ARHGAP20: variants seen among roughly 807,000 people sequenced by gnomAD.
ARHGAP20 encodes the protein Rho GTPase activating protein 20.
ARHGAP20 carries 34 observed loss-of-function variants against 73.7 expected under a neutral mutation model. The observed-to-expected ratio is 0.46, with a 90% confidence interval of 0.35 to 0.61. The LOEUF (loss-of-function observed/expected upper bound fraction) is 0.61. ARHGAP20 is among the 20% of genes least tolerant of loss of function. ARHGAP20 has a pLI of 0.00. For synonymous variants in ARHGAP20, 523 were observed against 518.2 expected (o/e 1.01, Z -0.13); for missense variants, 1,314 against 1,420.9 (o/e 0.92, Z 1.21).
At chr11:110,691,000 C>T (rs1036137124) in intron 1 of ARHGAP20, 20 of 1,526,256 alleles carry the variant, frequency 1.3e-5, no homozygotes, top group South Asian at 2.4e-5. Flanking sequence ...AAATGTCATC[C>T]GGGTAGATAC....
intron 9 of ARHGAP20, among the ~76,000 whole-genome samples, chr11:110,597,394 T>C (rs184847455): frequency 1.3e-5 from 2 of 152,206 alleles, no homozygotes; most frequent in East Asian, 1.9e-4. Context: ...ATGTGTTTAA[T>C]ATATATGTGA....
rs536635586 is a variant in ARHGAP20, at chr11:110,712,013, C to T, written c.105+114G>A. On this transcript the variant is annotated intron_variant, in intron 1 of 14. Coordinates refer to ENST00000683387, the MANE Select transcript of ARHGAP20 (RefSeq NM_001384657.1). ...CTCATTAGGGGCCGCGAGCCTCGAG[C>T]GTCAAATTCCCGCGGCGTCCGCCTA... The T allele has an allele frequency of 8.5e-5, 106 of 1,240,738 alleles. 1 individual carries two copies. In the African/African-American group the frequency reaches 1.4e-3, roughly 16 times the overall value. 76.9% of individuals were successfully genotyped at this position (1,240,738 alleles called of 1,614,324 possible).
chr11:110,647,886 C>G (rs1041818146), intron 2 of ARHGAP20, among the ~76,000 whole-genome samples: 1 of 151,730 alleles, frequency 6.6e-6, no homozygotes, highest in Non-Finnish European at 1.5e-5. Flanking sequence ...AAGGATCTCC[C>G]GTCTGAGAAT....
rs1947384284 is a variant in ARHGAP20 at position 110,579,645 on chromosome 11, G to A, written c.3301C>T (p.Leu1101=). 1 of 1,614,126 alleles carries A rather than the reference G, an allele frequency of 6.2e-7. No individual in the cohort carries two copies. The highest frequency in any genetic ancestry group is 8.5e-7 in the Non-Finnish European group (1 of 1,180,050). ...KDLPLRAAEG[L]SPVQSAQRCS... ...CTTTGGGCTGACTGCACAGGGGACA[G>A]TCCTTCAGCTGCCCTTAAGGGCAAG... The change falls in exon 15 of 15, where the codon CTG becomes TTG. Residue 1101 remains leucine (L), a synonymous_variant. Transcript: ENST00000683387.
chr11:110,621,862 G>A lies in ARHGAP20; in HGVS notation c.503+2300C>T, dbSNP rs1948636429. On this transcript the variant is annotated intron_variant, in intron 4 of 14. Transcript: ENST00000683387. The stretch of plus-strand genomic sequence containing the variant: ...GGAGACTGTATTCTGTTATATTTGT[G>A]GAACAGTGTTGATATTTTTGTTTTA... Among the ~76,000 whole-genome samples the A allele has an allele frequency of 3.3e-5, 5 of 152,120 alleles. 1 individual carries two copies. In the South Asian group the frequency reaches 1.0e-3, roughly 32 times the overall value.
At position 110,615,576 on chromosome 11, in the gene ARHGAP20, G is replaced by A. The variant is rs747344235; in HGVS notation, c.522C>T (p.Asp174=). ...VATFSSPEQK[D]KWLSLLQRYI... is the part of the protein sequence containing the mutation. ...ACCTCTGAAGGAGAGAGAGCCATTTGTCCTTTTGTTCTGGAGAACTGCAAT... is the reference window on the plus strand; with the variant it reads ...ACCTCTGAAGGAGAGAGAGCCATTTATCCTTTTGTTCTGGAGAACTGCAAT... The change falls in exon 5 of 15, where the codon GAC becomes GAT. Residue 174 remains aspartate, a synonymous_variant. Coordinates refer to ENST00000683387, the MANE Select transcript of ARHGAP20 (RefSeq NM_001384657.1). 6.2e-7 allele frequency: 1 copy of A among 1,612,446 alleles called. No homozygotes were observed. Among genetic ancestry groups the A allele is most frequent in the Non-Finnish European group, 8.5e-7 (1 of 1,179,382 alleles).
intron 2 of ARHGAP20, among the ~76,000 whole-genome samples, chr11:110,656,640 C>G (rs770766369): frequency 1.3e-5 from 2 of 152,148 alleles, no homozygotes; most frequent in Non-Finnish European, 2.9e-5. Flanking sequence ...TGCTGCTCCT[C>G]CATTGTGAGT....
chr11:110,620,683 T>C (rs966713152), intron 4 of ARHGAP20, among the ~76,000 whole-genome samples: 7 of 152,218 alleles, frequency 4.6e-5, no homozygotes, highest in Non-Finnish European at 1.0e-4. Flanking sequence ...TATTATAGTT[T>C]TTTAAAAAAA....
chr11:110,667,012 T>G (rs1371993878), intron 2 of ARHGAP20, among the ~76,000 whole-genome samples: 6 of 152,118 alleles, frequency 3.9e-5, no homozygotes, highest in African/African-American at 9.7e-5. Flanking sequence ...CTAGCAGAGG[T>G]TGGTTCATGA....
At chr11:110,685,867 C>T (rs769105680) in intron 2 of ARHGAP20, among the ~76,000 whole-genome samples, 7 of 152,022 alleles carry the variant, frequency 4.6e-5, no homozygotes, top group Non-Finnish European at 8.8e-5. Context: ...AAACACTGCC[C>T]ACAAATCTTT....
In ARHGAP20 at chr11:110,580,229, C is replaced by T; in HGVS notation, c.2717G>A (p.Gly906Glu). ...GGCACTACTCTTGCCCACCTCAATCCCCATGACTAAACTCTGATTAATGAG... is the reference window on the plus strand; with the variant it reads ...GGCACTACTCTTGCCCACCTCAATCTCCATGACTAAACTCTGATTAATGAG... ...QKLINQSLVM[G>E]IEVGKSSATN... Residue 906 changes from glycine to glutamate, a missense_variant, in exon 15 of 15, where the codon GGG (glycine) becomes GAG (glutamate). Transcript: ENST00000683387. 6.2e-7 allele frequency: 1 copy of T among 1,614,154 alleles called. No homozygotes were observed. The highest frequency in any genetic ancestry group is 1.1e-5 in the South Asian group (1 of 91,076).
intron 3 of ARHGAP20, among the ~76,000 whole-genome samples, chr11:110,624,532 G>A (rs1948695744): frequency 1.3e-5 from 2 of 151,752 alleles, no homozygotes; most frequent in African/African-American, 4.8e-5. Flanking sequence ...GGGATAAGGG[G>A]AGGGAACTTA....
At chr11:110,658,158 A>C (rs1164658846) in intron 2 of ARHGAP20, among the ~76,000 whole-genome samples, 1 of 152,116 alleles carries the variant, frequency 6.6e-6, no homozygotes, top group Admixed American at 6.5e-5. Context: ...ATTCATGCCT[A>C]CTCCTCAGGG....
At chr11:110,655,575 T>C (rs1482335239) in intron 2 of ARHGAP20, among the ~76,000 whole-genome samples, 1 of 152,148 alleles carries the variant, frequency 6.6e-6, no homozygotes, top group African/African-American at 2.4e-5. Context: ...TAAATTATGA[T>C]TATGAATATC....
At chr11:110,616,650 C>A (rs2134905497) in intron 4 of ARHGAP20, among the ~76,000 whole-genome samples, 2 of 151,168 alleles carry the variant, frequency 1.3e-5, no homozygotes, top group South Asian at 4.2e-4. Flanking sequence ...AGCAATCTCC[C>A]AGGATTTGTC....
At position 110,579,283 on chromosome 11, in the gene ARHGAP20, G is replaced by T; in HGVS notation, c.*87C>A. 1 of 1,463,358 alleles carries T rather than the reference G, an allele frequency of 6.8e-7. No homozygotes were observed. Among genetic ancestry groups the T allele is most frequent in the Non-Finnish European group, 9.0e-7 (1 of 1,106,788 alleles). 90.6% of individuals were successfully genotyped at this position (1,463,358 alleles called of 1,614,324 possible). On this transcript the variant is annotated 3_prime_UTR_variant, in exon 15 of 15. Coordinates refer to ENST00000683387, the MANE Select transcript of ARHGAP20 (RefSeq NM_001384657.1). ...ATAATCCTTATGCTACCTCTCCCAG[G>T]TATCTTATACAAAGGGGTCATAATA...
At chr11:110,641,911 C>T (rs983035049) in intron 2 of ARHGAP20, among the ~76,000 whole-genome samples, 18 of 151,952 alleles carry the variant, frequency 1.2e-4, no homozygotes, top group African/African-American at 3.9e-4. Flanking sequence ...TCAAGTTACT[C>T]AGAGAAATTT....
chr11:110,644,503 A>C (rs1409327497), intron 2 of ARHGAP20, among the ~76,000 whole-genome samples: 3 of 152,136 alleles, frequency 2.0e-5, no homozygotes, highest in Admixed American at 6.6e-5. Flanking sequence ...ATAAAGCTGC[A>C]TACCTACAAC....
chr11:110,610,818 T>C (rs1276010775), intron 7 of ARHGAP20, among the ~76,000 whole-genome samples: 1 of 152,158 alleles, frequency 6.6e-6, no homozygotes, highest in Non-Finnish European at 1.5e-5. Context: ...GTATTAGCCA[T>C]ATCATCCTTA....
Sources: allele counts gnomAD v4.1 joint callset (sites outside exome capture counted in the v4.1 genomes callset), GRCh38; gene constraint gnomAD v4.1.1; transcripts MANE v1.5; gene names NCBI Gene and HGNC (gene_info 2026-07-23, HGNC 2026-07-21).